The following KIF16B variants were observed in gnomAD, a reference collection of about 807,000 sequenced individuals.
KIF16B encodes the protein kinesin family member 16B, also known as kinesin-like protein KIF16B.
A neutral mutation model predicts 156.3 loss-of-function variants in KIF16B; 98 were observed. The observed-to-expected ratio is 0.63, with a 90% CI of 0.53 to 0.74. The LOEUF is 0.74. KIF16B is among the 30% of genes least tolerant of loss of function. The pLI, the probability that KIF16B is intolerant of heterozygous loss-of-function variation, is 0.00. For missense variants in KIF16B, 1,421 were observed against 1,606.5 expected, an observed-to-expected ratio of 0.88 and a Z score of 1.97; for synonymous variants, 564 against 583.7, an observed-to-expected ratio of 0.97 and a Z score of 0.49.
chr20:16,283,627 C>A (rs925877509), intron 25 of KIF16B, among the ~76,000 whole-genome samples: 1 of 152,164 alleles, frequency 6.6e-6, no homozygotes, highest in Non-Finnish European at 1.5e-5. Flanking sequence ...GTGGGTGTGA[C>A]CTGAGGGCCT....
chr20:16,410,076 T>C (rs1168435732), intron 15 of KIF16B, among the ~76,000 whole-genome samples: 3 of 67,104 alleles, frequency 4.5e-5, no homozygotes, highest in African/African-American at 8.4e-5. Context: ...TGTAGGTACA[T>C]ATATATATAT....
chr20:16,488,102 C>G (rs972123335), intron 12 of KIF16B, among the ~76,000 whole-genome samples: 1 of 152,180 alleles, frequency 6.6e-6, no homozygotes, highest in Admixed American at 6.5e-5. Context: ...ATGAAAACAC[C>G]AAAGCCAGCC....
At chr20:16,376,644 T>C (rs1397369662) in intron 19 of KIF16B, among the ~76,000 whole-genome samples, 4 of 152,208 alleles carry the variant, frequency 2.6e-5, no homozygotes, top group African/African-American at 9.6e-5. Flanking sequence ...AACAGCCCCC[T>C]TTACTTGGCT....
At chr20:16,400,560 C>T (rs952419446) in intron 17 of KIF16B, among the ~76,000 whole-genome samples, 8 of 152,098 alleles carry the variant, frequency 5.3e-5, no homozygotes, top group African/African-American at 1.9e-4. Context: ...AGTTGGACAC[C>T]CATGTTCATA....
chr20:16,467,719 G>GAA lies in KIF16B; in HGVS notation c.1302+26570_1302+26571dup, dbSNP rs35313223. Among the ~76,000 whole-genome samples, 270 of 148,016 alleles carry GAA rather than the reference G, an allele frequency of 1.8e-3. 1 individual carries two copies. The highest frequency in any genetic ancestry group is 3.3e-3 in the Non-Finnish European group (218 of 66,866). ...AAACATTTAAAGTTTTAATAGGGGG[G>GAA]AAAAAAAAAACCCGGCCAACCTAAA... On this transcript the variant is annotated intron_variant, in intron 12 of 25. Transcript: ENST00000354981.
chr20:16,523,185 G>A (rs908632451), intron 3 of KIF16B, among the ~76,000 whole-genome samples: 1 of 152,136 alleles, frequency 6.6e-6, no homozygotes. Context: ...TCTGGCCAGG[G>A]CAATCAAGGC....
chr20:16,382,305 GAAAC>G (rs938151983), intron 17 of KIF16B, among the ~76,000 whole-genome samples: 5 of 152,176 alleles, frequency 3.3e-5, no homozygotes, highest in African/African-American at 1.2e-4. Flanking sequence ...ATAATTTCAT[GAAAC>G]AAACACTCCA....
In KIF16B at chr20:16,427,231, G is replaced by A. The variant is rs141101732; in HGVS notation, c.1485C>T (p.Gly495=). The change falls in exon 15 of 26, where the codon GGC becomes GGT. Residue 495 remains glycine, a synonymous_variant. Coordinates refer to ENST00000354981, the MANE Select transcript of KIF16B (RefSeq NM_024704.5). ...ASTEQDIVLH[G]LDLESEHCIF... ...TGCAATGCTCACTCTCCAAGTCAAG[G>A]CCATGAAGAACTAAAGTGGAAAAAC... 6.2e-6 allele frequency: 10 copies of A among 1,609,128 alleles called. No homozygotes were observed. The Admixed American group carries it at 8.5e-5, about 14-fold the overall frequency.
At chr20:16,467,128 C>A (rs775743778) in intron 12 of KIF16B, among the ~76,000 whole-genome samples, 2 of 152,192 alleles carry the variant, frequency 1.3e-5, no homozygotes, top group Admixed American at 6.5e-5. Flanking sequence ...GCCCAACCTA[C>A]CTGGGGTAAA....
At chr20:16,482,508 G>A (rs1433356560) in intron 12 of KIF16B, among the ~76,000 whole-genome samples, 6 of 151,912 alleles carry the variant, frequency 3.9e-5, no homozygotes, top group South Asian at 2.1e-4. Flanking sequence ...GAACACACCC[G>A]CATTTGGAGC....
chr20:16,304,079 G>A (rs2063508734), intron 25 of KIF16B, among the ~76,000 whole-genome samples: 1 of 152,128 alleles, frequency 6.6e-6, no homozygotes, highest in Non-Finnish European at 1.5e-5. Context: ...ATGTCATTTG[G>A]GGAATAAGAA....
At chr20:16,425,834 A>T (rs2066337262) in intron 15 of KIF16B, among the ~76,000 whole-genome samples, 1 of 152,166 alleles carries the variant, frequency 6.6e-6, no homozygotes, top group South Asian at 2.1e-4. Context: ...AGAATACCTG[A>T]GACTATGTAA....
chr20:16,387,105 C>A (rs532128750), intron 17 of KIF16B, among the ~76,000 whole-genome samples: 28 of 152,250 alleles, frequency 1.8e-4, no homozygotes, highest in African/African-American at 6.7e-4. Context: ...GAGTCAGGAA[C>A]AAGCTCCTCT....
At position 16,438,560 on chromosome 20, in the gene KIF16B, G is replaced by A. The variant is rs555452942; in HGVS notation, c.1303-8578C>T. 1.7e-4 allele frequency among the ~76,000 whole-genome samples: 26 copies of A among 152,128 alleles called. 1 individual carries two copies. The highest frequency in any genetic ancestry group is 4.6e-4 in the African/African-American group (19 of 41,520). On this transcript the variant is annotated intron_variant, in intron 12 of 25. Coordinates refer to ENST00000354981, the MANE Select transcript of KIF16B (RefSeq NM_024704.5). ...TAGAGTATCTCCTCTGCAGACAAGC[G>A]GGGGCCTATTGTATTCTATTTTCCA...
chr20:16,364,012 A>T (rs2064604985), intron 22 of KIF16B, among the ~76,000 whole-genome samples: 1 of 152,214 alleles, frequency 6.6e-6, no homozygotes, highest in Non-Finnish European at 1.5e-5. Flanking sequence ...TGATCATCAA[A>T]GGAGCATTAA....
At chr20:16,389,796 T>A (rs1340802424) in intron 17 of KIF16B, among the ~76,000 whole-genome samples, 1 of 152,162 alleles carries the variant, frequency 6.6e-6, no homozygotes, top group Non-Finnish European at 1.5e-5. Context: ...GGGAGACTGA[T>A]GAAAAGAAGA....
chr20:16,313,176 G>C (rs191062002), intron 24 of KIF16B, among the ~76,000 whole-genome samples: 3 of 152,224 alleles, frequency 2.0e-5, no homozygotes, highest in African/African-American at 7.2e-5. Context: ...TAAATGCTAA[G>C]TAGCAATAAT....
intron 17 of KIF16B, among the ~76,000 whole-genome samples, chr20:16,394,441 T>A (rs190867542): frequency 4.2e-4 from 64 of 152,306 alleles, no homozygotes; most frequent in Non-Finnish European, 5.4e-4. Flanking sequence ...TCATCACATG[T>A]TCCCCAAGAT....
At position 16,567,488 on chromosome 20, in the gene KIF16B, G is replaced by A. The variant is rs150131374; in HGVS notation, c.47+5741C>T. Among the ~76,000 whole-genome samples, 66 of 152,206 alleles carry A rather than the reference G, an allele frequency of 4.3e-4. 2 individuals are homozygous for A. Among genetic ancestry groups the A allele is most frequent in the African/African-American group, 1.3e-3 (53 of 41,506 alleles). On this transcript the variant is annotated intron_variant, in intron 1 of 25. Coordinates refer to ENST00000354981, the MANE Select transcript of KIF16B (RefSeq NM_024704.5). ...ATTCTCTGATCGGCATTTCCCTGAG[G>A]CCATGGGCTTCTGTCATCTGTAAGC...
Sources: gnomAD v4.1 joint callset for allele counts (sites outside exome capture counted in the v4.1 genomes callset) on GRCh38, gnomAD v4.1.1 for gene constraint, MANE v1.5 for transcripts, NCBI Gene and HGNC (gene_info 2026-07-23, HGNC 2026-07-21) for gene names.